ATP6V1C1: variants seen among roughly 807,000 people sequenced by gnomAD.
ATP6V1C1 encodes V-type proton ATPase subunit C 1.
In ATP6V1C1, 45 loss-of-function variants were observed where a neutral mutation model predicts 53.9. That is an observed-to-expected ratio of 0.83 (90% CI 0.66 to 1.07). The LOEUF is 1.07. Among genes scored for constraint, ATP6V1C1 ranks in the 50% least tolerant of loss-of-function variants. The probability of loss-of-function intolerance (pLI) is 0.00; values close to 1 mark genes in which losing one functional copy is unlikely to be tolerated. For missense variants in ATP6V1C1, 315 were observed against 440.3 expected (o/e 0.72, Z 2.55); for synonymous variants, 153 against 155.2 (o/e 0.99, Z 0.11).
intron 1 of ATP6V1C1, among the ~76,000 whole-genome samples, chr8:103,039,714 C>T (rs1341664883): frequency 2.6e-5 from 4 of 151,928 alleles, no homozygotes; most frequent in South Asian, 2.1e-4. Flanking sequence ...CTTTTTTCCC[C>T]CTTCTGTGTG....
intron 8 of ATP6V1C1, among the ~76,000 whole-genome samples, chr8:103,057,965 C>T (rs1050500399): frequency 6.6e-6 from 1 of 151,986 alleles, no homozygotes; most frequent in Non-Finnish European, 1.5e-5. Context: ...GGCATTAGAG[C>T]CGTAGAGGTT....
chr8:103,059,763 C>G (rs1395212970), intron 8 of ATP6V1C1, among the ~76,000 whole-genome samples: 3 of 151,670 alleles, frequency 2.0e-5, no homozygotes, highest in Admixed American at 6.6e-5. Context: ...TCCTTTTCTC[C>G]TCTCATCAGT....
intron 11 of ATP6V1C1, 60 bp downstream of exon 11, chr8:103,064,871 C>T: frequency 6.9e-7 from 1 of 1,454,690 alleles, no homozygotes; most frequent in Non-Finnish European, 9.5e-7. Context: ...TTACATTGGA[C>T]CTCTTTATTA....
intron 7 of ATP6V1C1, among the ~76,000 whole-genome samples, chr8:103,055,350 C>T (rs1238968506): frequency 6.6e-6 from 1 of 152,124 alleles, no homozygotes; most frequent in African/African-American, 2.4e-5. Flanking sequence ...TGTCTCTCCC[C>T]ACACCCCTGG....
rs553769285 is a variant in ATP6V1C1 at position 103,022,708 on chromosome 8, T to A, written c.-40+1483T>A. Among the ~76,000 whole-genome samples the A allele has an allele frequency of 4.0e-4, 61 of 152,146 alleles. 1 individual carries two copies. In the South Asian group the frequency reaches 0.012, roughly 30 times the overall value. On this transcript the variant is annotated intron_variant, in intron 1 of 12. Coordinates refer to ENST00000518738, the MANE Select transcript of ATP6V1C1 (RefSeq NM_001695.5). ...CTCTGAGAGGGTATGACTTTTGACC[T>A]GAGATCTGAAAAGAGACTGAAAAGG...
rs181901360 is a variant in ATP6V1C1, at chr8:103,031,233, G to A, written c.-39-9565G>A. ...TAAGAAGTGAAATATTCACTGGTGAGAAGAATAACAGATTAGATACTCCAA... is the reference window on the plus strand; with the variant it reads ...TAAGAAGTGAAATATTCACTGGTGAAAAGAATAACAGATTAGATACTCCAA... On this transcript the variant is annotated intron_variant, in intron 1 of 12. Transcript: ENST00000518738. Among the ~76,000 whole-genome samples, 73 of 152,288 alleles carry A rather than the reference G, an allele frequency of 4.8e-4. 1 individual carries two copies. Among genetic ancestry groups the A allele is most frequent in the African/African-American group, 1.7e-3 (69 of 41,564 alleles).
chr8:103,038,264 C>T (rs1384464785), intron 1 of ATP6V1C1, among the ~76,000 whole-genome samples: 3 of 152,140 alleles, frequency 2.0e-5, no homozygotes, highest in African/African-American at 7.2e-5. Flanking sequence ...GGCCTTATCA[C>T]TTGCAATAGA....
chr8:103,030,315 A>G (rs1816774909), intron 1 of ATP6V1C1, among the ~76,000 whole-genome samples: 2 of 152,172 alleles, frequency 1.3e-5, no homozygotes, highest in Admixed American at 1.3e-4. Context: ...TAAATGTTAA[A>G]ACATGGGGCT....
rs1011788457 is a variant in ATP6V1C1 at position 103,061,272 on chromosome 8, G to A, written c.642-1683G>A. The stretch of plus-strand genomic sequence containing the variant: ...AGCGATTACAGTGATCAGTACTCCT[G>A]GAGGTGTCTGCTGGTCATACACTAG... On this transcript the variant is annotated intron_variant, in intron 8 of 12. Transcript: ENST00000518738. Among the ~76,000 whole-genome samples, 8 of 151,786 alleles carry A rather than the reference G, an allele frequency of 5.3e-5. No individual in the cohort carries two copies. In the South Asian group the frequency reaches 1.0e-3, roughly 20 times the overall value.
intron 1 of ATP6V1C1, among the ~76,000 whole-genome samples, chr8:103,032,503 C>A (rs1816816503): frequency 6.6e-6 from 1 of 150,984 alleles, no homozygotes; most frequent in African/African-American, 2.4e-5. Context: ...TTTTTCTTTT[C>A]TTTCTTTCCT....
intron 8 of ATP6V1C1, among the ~76,000 whole-genome samples, chr8:103,057,885 A>G (rs149741003): frequency 8.9e-4 from 135 of 152,168 alleles, no homozygotes; most frequent in African/African-American, 3.2e-3. Flanking sequence ...TTCACATGGT[A>G]AACTGAAGAC....
At chr8:103,054,004 G>T in intron 7 of ATP6V1C1, 22 bp downstream of exon 7, 4 of 1,550,614 alleles carry the variant, frequency 2.6e-6, no homozygotes, top group South Asian at 1.2e-5. Flanking sequence ...TATTATAAAA[G>T]GTTTTACTTG....
At chr8:103,048,811 A>G (rs778974186) in intron 3 of ATP6V1C1, 59 bp from the exon 4 acceptor site, 1 of 1,415,490 alleles carries the variant, frequency 7.1e-7, no homozygotes, top group Non-Finnish European at 9.9e-7. Context: ...TGTTCATTGT[A>G]TAGAATGGAA....
intron 3 of ATP6V1C1, among the ~76,000 whole-genome samples, chr8:103,048,331 C>T (rs1437251723): frequency 1.3e-5 from 2 of 152,286 alleles, no homozygotes; most frequent in East Asian, 3.9e-4. Flanking sequence ...ATTATGGCTT[C>T]CTCTATAGCA....
chr8:103,036,215 G>A (rs568682062), intron 1 of ATP6V1C1, among the ~76,000 whole-genome samples: 98 of 152,260 alleles, frequency 6.4e-4, no homozygotes, highest in African/African-American at 2.2e-3. Flanking sequence ...TCTGCCAGTC[G>A]TGCAGCCTTG....
intron 1 of ATP6V1C1, among the ~76,000 whole-genome samples, chr8:103,036,040 C>T (rs146184850): frequency 6.6e-5 from 10 of 152,254 alleles, no homozygotes; most frequent in African/African-American, 2.4e-4. Context: ...ACAGGGTGCC[C>T]TGAGCCTGGA....
At chr8:103,044,173 C>T (rs988608658) in intron 3 of ATP6V1C1, among the ~76,000 whole-genome samples, 36 of 152,184 alleles carry the variant, frequency 2.4e-4, no homozygotes, top group African/African-American at 6.5e-4. Flanking sequence ...CGTGAGCCAC[C>T]GCGCCTGGCC....
chr8:103,069,157 G>A lies in ATP6V1C1; in HGVS notation c.*410G>A, dbSNP rs1259768787. The stretch of plus-strand genomic sequence containing the variant: ...ATTTAGTAGACATAACTGTTGAATA[G>A]TTACTGAATCATGATGTAAAGAATA... On this transcript the variant is annotated 3_prime_UTR_variant, in exon 13 of 13. Transcript: ENST00000518738. 1.3e-5 allele frequency: 2 copies of A among 152,370 alleles called. No homozygotes were observed. The highest frequency in any genetic ancestry group is 4.8e-5 in the African/African-American group (2 of 41,442). The allele number at this position is 152,370 out of a possible 1,614,324, so 9.4% of individuals were successfully genotyped here. A position where few individuals can be genotyped will look rare whatever the true frequency, so the allele number is the denominator to read the frequency against.
chr8:103,072,820 G>T lies in ATP6V1C1; in HGVS notation c.*4073G>T, dbSNP rs1276809544. On this transcript the variant is annotated 3_prime_UTR_variant, in exon 13 of 13. Transcript: ENST00000518738. ...ATGAACAGTAAGAGACTGCCGCCTG[G>T]CATGGTTTCTTCTTCTGCAGAAGAT... The T allele has an allele frequency of 6.6e-6, 1 of 152,216 alleles. No individual in the cohort carries two copies. Among genetic ancestry groups the T allele is most frequent in the African/African-American group, 2.4e-5 (1 of 41,452 alleles). 9.4% of individuals were successfully genotyped at this position (152,216 alleles called of 1,614,324 possible).
Sources: gnomAD v4.1 joint callset for allele counts (sites outside exome capture counted in the v4.1 genomes callset) on GRCh38, gnomAD v4.1.1 for gene constraint, MANE v1.5 for transcripts, NCBI Gene and HGNC (gene_info 2026-07-23, HGNC 2026-07-21) for gene names.